PTPRG: variants seen among roughly 807,000 people sequenced by gnomAD.
PTPRG encodes the protein protein tyrosine phosphatase receptor type G.
In PTPRG, 102 loss-of-function variants were observed where a neutral mutation model predicts 165.3. That is an observed-to-expected ratio of 0.62 (90% confidence interval 0.53 to 0.73). PTPRG has a LOEUF of 0.73. Ranked by LOEUF, PTPRG falls within the 30% of genes least tolerant of loss-of-function variation. PTPRG has a pLI of 0.00. For missense variants in PTPRG, 1,866 were observed against 1,861.4 expected (o/e 1.00, Z -0.05); for synonymous variants, 675 against 669.5 (o/e 1.01, Z -0.13).
intron 5 of PTPRG, among the ~76,000 whole-genome samples, chr3:62,091,625 A>G (rs147746485): frequency 4.7e-4 from 71 of 152,270 alleles, no homozygotes; most frequent in African/African-American, 1.5e-3. Flanking sequence ...ATGTGGCCCT[A>G]TGTATGCTGG....
Position 61,903,448 on chromosome 3 carries a change from A to C in PTPRG, c.191-86177A>C, listed in dbSNP as rs141887679. Reference sequence around the variant, plus strand: ...GAGTGCAGTGGCACAATCTCGGCTCACTGCAACCTCCGCCTCTCGGGTTCA... The same window carrying C: ...GAGTGCAGTGGCACAATCTCGGCTCCCTGCAACCTCCGCCTCTCGGGTTCA... On this transcript the variant is annotated intron_variant, in intron 2 of 29. Transcript: ENST00000474889. Among the ~76,000 whole-genome samples, 74 of 152,238 alleles carry C rather than the reference A, an allele frequency of 4.9e-4. 1 individual carries two copies. In the East Asian group the frequency reaches 6.8e-3, roughly 14 times the overall value.
chr3:61,895,369 A>ATT (rs2038326048), intron 2 of PTPRG, among the ~76,000 whole-genome samples: 1 of 152,186 alleles, frequency 6.6e-6, no homozygotes, highest in Non-Finnish European at 1.5e-5. Context: ...AGAATAGAGT[A>ATT]CCTTCATGGT....
chr3:61,877,975 A>C (rs2037790044), intron 2 of PTPRG, among the ~76,000 whole-genome samples: 1 of 152,206 alleles, frequency 6.6e-6, no homozygotes, highest in Non-Finnish European at 1.5e-5. Flanking sequence ...TAGAGTGTTT[A>C]ATTTGAAATG....
chr3:62,048,434 C>CT (rs1336462551), intron 4 of PTPRG, among the ~76,000 whole-genome samples: 1 of 152,122 alleles, frequency 6.6e-6, no homozygotes, highest in Admixed American at 6.5e-5. Flanking sequence ...TTTGTGACCT[C>CT]TAAGTATAGA....
intron 26 of PTPRG, among the ~76,000 whole-genome samples, chr3:62,279,248 C>T (rs1373384820): frequency 6.6e-6 from 1 of 152,012 alleles, no homozygotes. Context: ...GATATAGATG[C>T]CCAGATATCT....
intron 1 of PTPRG, among the ~76,000 whole-genome samples, chr3:61,603,399 G>A (rs1700917860): frequency 6.6e-6 from 1 of 152,140 alleles, no homozygotes. Flanking sequence ...ACCCCCACTT[G>A]CTTCTGCTTT....
chr3:61,868,514 T>G (rs997936504), intron 2 of PTPRG, among the ~76,000 whole-genome samples: 1 of 152,206 alleles, frequency 6.6e-6, no homozygotes, highest in African/African-American at 2.4e-5. Context: ...CTGCCTTCTT[T>G]CCCTCTGCCT....
chr3:61,995,837 T>C (rs886851517), intron 3 of PTPRG, among the ~76,000 whole-genome samples: 3 of 151,790 alleles, frequency 2.0e-5, no homozygotes, highest in Admixed American at 6.6e-5. Context: ...TGGTGCAATC[T>C]CTGCTCACTG....
At chr3:61,653,956 T>C (rs1702439850) in intron 1 of PTPRG, among the ~76,000 whole-genome samples, 1 of 151,738 alleles carries the variant, frequency 6.6e-6, no homozygotes, top group Admixed American at 6.6e-5. Flanking sequence ...ACATCATCTG[T>C]TAGGTGTCTT....
At chr3:61,598,122 T>C (rs967247368) in intron 1 of PTPRG, among the ~76,000 whole-genome samples, 1 of 152,134 alleles carries the variant, frequency 6.6e-6, no homozygotes, top group African/African-American at 2.4e-5. Context: ...AAGCTAAAAG[T>C]GAAATAATGC....
chr3:61,583,907 A>G (rs1275995370), intron 1 of PTPRG, among the ~76,000 whole-genome samples: 4 of 152,114 alleles, frequency 2.6e-5, no homozygotes, highest in African/African-American at 9.7e-5. Context: ...GATTTGGGTC[A>G]TTTTCAATCA....
At chr3:62,069,684 T>TCTCTCTCTCTCTGTCA (rs542306888) in intron 4 of PTPRG, among the ~76,000 whole-genome samples, 1 of 144,962 alleles carries the variant, frequency 6.9e-6, no homozygotes, top group Non-Finnish European at 1.5e-5. Flanking sequence ...TCTCTCTCTC[T>TCTCTCTCTCTCTGTCA]CACACACAGA....
chr3:61,931,283 C>G (rs1042220066), intron 2 of PTPRG, among the ~76,000 whole-genome samples: 1 of 152,234 alleles, frequency 6.6e-6, no homozygotes, highest in Non-Finnish European at 1.5e-5. Context: ...TTTTCACCCT[C>G]AACAGTTCTG....
In PTPRG at chr3:61,989,815, G is replaced by A. The variant is rs542950495; in HGVS notation, c.370+11G>A. 1 of 1,613,212 alleles carries A rather than the reference G, an allele frequency of 6.2e-7. No individual in the cohort carries two copies. Among genetic ancestry groups the A allele is most frequent in the Non-Finnish European group, 8.5e-7 (1 of 1,179,580 alleles). On this transcript the variant is annotated intron_variant, in intron 3 of 29. Coordinates refer to ENST00000474889, the MANE Select transcript of PTPRG (RefSeq NM_002841.4). ...ACACAGGGAAAACAGGTAGACAATGGCTTCTTTATTTGTCCACAGAGCAAC... is the reference window on the plus strand; with the variant it reads ...ACACAGGGAAAACAGGTAGACAATGACTTCTTTATTTGTCCACAGAGCAAC...
At chr3:62,119,654 T>A (rs1215752766) in intron 5 of PTPRG, among the ~76,000 whole-genome samples, 2 of 151,974 alleles carry the variant, frequency 1.3e-5, no homozygotes, top group African/African-American at 4.8e-5. Context: ...AGAGTCTTGC[T>A]TTGTCACCCA....
rs529215751 is a variant in PTPRG at position 62,199,291 on chromosome 3, G to A, written c.1328-2214G>A. Among the ~76,000 whole-genome samples the A allele has an allele frequency of 6.6e-5, 10 of 152,222 alleles. No individual in the cohort carries two copies. The East Asian group carries it at 7.7e-4, about 12-fold the overall frequency. On this transcript the variant is annotated intron_variant, in intron 10 of 29. Coordinates refer to ENST00000474889, the MANE Select transcript of PTPRG (RefSeq NM_002841.4). ...CTTATTTGACCTGGGACCTACACAC[G>A]TTTGACTTTCCAACTGTGCAAAATG... is the stretch of plus-strand genomic sequence containing the variant.
chr3:61,623,907 A>T (rs894280146), intron 1 of PTPRG, among the ~76,000 whole-genome samples: 1 of 152,168 alleles, frequency 6.6e-6, no homozygotes. Flanking sequence ...ACTGCCAAGC[A>T]CCAAATACAG....
intron 2 of PTPRG, among the ~76,000 whole-genome samples, chr3:61,906,933 GT>G (rs1376598054): frequency 1.3e-5 from 2 of 151,982 alleles, no homozygotes; most frequent in African/African-American, 4.8e-5. Context: ...AGGTGTCCTG[GT>G]TTTCTTTTCA....
At position 62,237,294 on chromosome 3, in the gene PTPRG, T is replaced by TTTTG. The variant is rs1313872094; in HGVS notation, c.2375+5995_2375+5998dup. On this transcript the variant is annotated intron_variant, in intron 14 of 29. Coordinates refer to ENST00000474889, the MANE Select transcript of PTPRG (RefSeq NM_002841.4). The surrounding 1 kb of genome is among the most constrained non-coding windows in gnomAD (Gnocchi z 4.5). The stretch of plus-strand genomic sequence containing the variant: ...TGGGGGGTCAGAAGTCTAGAGGTTT[T>TTTTG]TTTGTTTGTTTGTTTTGGTTATTTT... Among the ~76,000 whole-genome samples the TTTTG allele has an allele frequency of 6.6e-6, 1 of 152,094 alleles. No individual in the cohort carries two copies. The highest frequency in any genetic ancestry group is 2.4e-5 in the African/African-American group (1 of 41,408).
Sources: gnomAD v4.1 joint callset for allele counts (sites outside exome capture counted in the v4.1 genomes callset) on GRCh38, gnomAD v4.1.1 for gene constraint, Gnocchi (gnomAD v3.1) non-coding constraint, MANE v1.5 for transcripts, NCBI Gene and HGNC (gene_info 2026-07-23, HGNC 2026-07-21) for gene names.